The following PARD3B variants were observed in gnomAD, a reference collection of about 807,000 sequenced individuals.
PARD3B encodes the protein partitioning defective 3 homolog B.
A neutral mutation model predicts 130.2 loss-of-function variants in PARD3B; 103 were observed. That is an observed-to-expected ratio of 0.79 (90% CI 0.67 to 0.93). The LOEUF (loss-of-function observed/expected upper bound fraction) is 0.93. Ranked by LOEUF, PARD3B falls within the 40% of genes least tolerant of loss-of-function variation. PARD3B has a pLI of 0.00. For missense variants in PARD3B, 1,609 were observed against 1,499.2 expected, an observed-to-expected ratio of 1.07 and a Z score of -1.21; for synonymous variants, 583 against 553.2, an observed-to-expected ratio of 1.05 and a Z score of -0.76.
Position 204,640,247 on chromosome 2 carries a change from C to A in PARD3B, c.121-45934C>A, listed in dbSNP as rs540788269. On this transcript the variant is annotated intron_variant, in intron 1 of 22. Coordinates refer to ENST00000406610, the MANE Select transcript of PARD3B (RefSeq NM_001302769.2). Reference sequence around the variant, plus strand: ...TTGCAACCTGTGCAACAGAGTGAGACCCTGTCTCAAAAAAACAAAACAGAT... The same window carrying A: ...TTGCAACCTGTGCAACAGAGTGAGAACCTGTCTCAAAAAAACAAAACAGAT... Among the ~76,000 whole-genome samples the A allele has an allele frequency of 3.3e-5, 5 of 152,196 alleles. No individual in the cohort carries two copies. The South Asian group carries it at 6.2e-4, about 19-fold the overall frequency.
chr2:204,875,032 C>T (rs2045782016), intron 2 of PARD3B, among the ~76,000 whole-genome samples: 1 of 152,068 alleles, frequency 6.6e-6, no homozygotes. Context: ...TTTATATCTC[C>T]CTTATCATTC....
chr2:205,536,329 G>A (rs1162656913), intron 21 of PARD3B, among the ~76,000 whole-genome samples: 2 of 152,048 alleles, frequency 1.3e-5, no homozygotes, highest in East Asian at 1.9e-4. Context: ...TCGTGAAATA[G>A]GCTCTATTCC....
At chr2:204,898,190 T>C (rs1294421207) in intron 2 of PARD3B, among the ~76,000 whole-genome samples, 2 of 152,042 alleles carry the variant, frequency 1.3e-5, no homozygotes, top group Non-Finnish European at 2.9e-5. Context: ...TTTTTATTTT[T>C]AATTTTTGTG....
intron 3 of PARD3B, among the ~76,000 whole-genome samples, chr2:205,033,895 T>C (rs1033366597): frequency 2.0e-5 from 3 of 152,290 alleles, no homozygotes; most frequent in East Asian, 3.9e-4. Context: ...ATTGACGAGA[T>C]TGAGTCAGTA....
At chr2:204,583,470 T>G (rs1174892458) in intron 1 of PARD3B, among the ~76,000 whole-genome samples, 1 of 95,738 alleles carries the variant, frequency 1.0e-5, no homozygotes, top group Non-Finnish European at 2.1e-5. Context: ...CTGTGGGGAC[T>G]GTGGTGGGGT....
Position 204,943,071 on chromosome 2 carries a change from CAAGA to C in PARD3B, c.223-22076_223-22073del, listed in dbSNP as rs1272871397. On this transcript the variant is annotated intron_variant, in intron 2 of 22. Coordinates refer to ENST00000406610, the MANE Select transcript of PARD3B (RefSeq NM_001302769.2). The surrounding 1 kb of genome is among the most constrained non-coding windows in gnomAD (Gnocchi z 4.2). ...ACAAGAAAGACTTTGTGTAAAAAGACAAGAAAGACTTTGTGTAAATACACCTCTT... is the reference window on the plus strand; with the variant it reads ...ACAAGAAAGACTTTGTGTAAAAAGACAAGACTTTGTGTAAATACACCTCTT... Among the ~76,000 whole-genome samples, 1 of 151,872 alleles carries C rather than the reference CAAGA, an allele frequency of 6.6e-6. No homozygotes were observed. Among genetic ancestry groups the C allele is most frequent in the Non-Finnish European group, 1.5e-5 (1 of 67,966 alleles).
intron 2 of PARD3B, among the ~76,000 whole-genome samples, chr2:204,706,074 G>A (rs1431372881): frequency 6.6e-6 from 1 of 152,138 alleles, no homozygotes; most frequent in East Asian, 1.9e-4. Context: ...AGTTTTGCAT[G>A]TCTTTGCAAG....
At chr2:204,591,810 A>G (rs1443074770) in intron 1 of PARD3B, among the ~76,000 whole-genome samples, 1 of 152,218 alleles carries the variant, frequency 6.6e-6, no homozygotes, top group Non-Finnish European at 1.5e-5. Flanking sequence ...CATATTTTTT[A>G]GTTGCTCCAT....
rs778836026 is a variant in PARD3B, at chr2:205,401,081, T to C, written c.2699T>C (p.Leu900Pro). 1 of 1,602,588 alleles carries C rather than the reference T, an allele frequency of 6.2e-7. No homozygotes were observed. Among genetic ancestry groups the C allele is most frequent in the South Asian group, 1.1e-5 (1 of 87,948 alleles). Residue 900 changes from leucine (L) to proline (P), a missense_variant, in exon 19 of 23, where the codon CTG becomes CCG. Coordinates refer to ENST00000406610, the MANE Select transcript of PARD3B (RefSeq NM_001302769.2). ...AAAGGTACTCTGAAACATGGTGGCC[T>C]GAGAGAAGAAGAGCTGGAGAAAATG... Reference protein sequence around the residue: ...EQKGTLKHGGLREEELEKMKE... With the variant: ...EQKGTLKHGGPREEELEKMKE...
At chr2:204,766,916 G>A (rs765591297) in intron 2 of PARD3B, among the ~76,000 whole-genome samples, 20 of 148,300 alleles carry the variant, frequency 1.3e-4, no homozygotes, top group Non-Finnish European at 2.2e-4. Context: ...CTGTAGGAAG[G>A]TCTGGACTGG....
intron 3 of PARD3B, among the ~76,000 whole-genome samples, chr2:205,045,794 T>C (rs1013252236): frequency 6.6e-6 from 1 of 151,772 alleles, no homozygotes; most frequent in Non-Finnish European, 1.5e-5. Flanking sequence ...CACATACATA[T>C]ATATACATAT....
At chr2:205,389,506 G>A (rs1199090942) in intron 18 of PARD3B, among the ~76,000 whole-genome samples, 1 of 152,138 alleles carries the variant, frequency 6.6e-6, no homozygotes, top group Non-Finnish European at 1.5e-5. Flanking sequence ...GGGATTACAG[G>A]CACATGCCAC....
At chr2:204,751,867 T>C (rs902950991) in intron 2 of PARD3B, among the ~76,000 whole-genome samples, 3 of 152,182 alleles carry the variant, frequency 2.0e-5, no homozygotes, top group African/African-American at 7.2e-5. Context: ...AATCACTGAC[T>C]TAAAATTTAA....
At chr2:204,703,237 C>T (rs1559072475) in intron 2 of PARD3B, among the ~76,000 whole-genome samples, 1 of 150,916 alleles carries the variant, frequency 6.6e-6, no homozygotes, top group African/African-American at 2.5e-5. Flanking sequence ...AGTTCTTAAC[C>T]ACCATGCTTA....
chr2:205,008,207 G>A (rs1695432934), intron 3 of PARD3B, among the ~76,000 whole-genome samples: 1 of 151,940 alleles, frequency 6.6e-6, no homozygotes, highest in African/African-American at 2.4e-5. Flanking sequence ...TCCAACTTGG[G>A]GCATGTTTTT....
At chr2:205,167,590 A>G (rs1576037090) in intron 11 of PARD3B, among the ~76,000 whole-genome samples, 1 of 152,328 alleles carries the variant, frequency 6.6e-6, no homozygotes, top group East Asian at 1.9e-4. Context: ...GCAATCTCAA[A>G]TATACAGGGT....
intron 2 of PARD3B, among the ~76,000 whole-genome samples, chr2:204,920,126 C>T (rs1423107083): frequency 6.6e-6 from 1 of 152,116 alleles, no homozygotes; most frequent in Admixed American, 6.5e-5. Flanking sequence ...TCTATTGCCC[C>T]CTTCAGTTGA....
intron 18 of PARD3B, among the ~76,000 whole-genome samples, chr2:205,338,947 G>A (rs980771923): frequency 6.6e-6 from 1 of 152,282 alleles, no homozygotes; most frequent in East Asian, 1.9e-4. Context: ...ATTGGTGGGG[G>A]AAGGGGGATA....
chr2:204,644,016 A>G (rs2035185844), intron 1 of PARD3B, among the ~76,000 whole-genome samples: 1 of 152,114 alleles, frequency 6.6e-6, no homozygotes, highest in Non-Finnish European at 1.5e-5. Flanking sequence ...AGCCTCTTGT[A>G]AGAATTCTTT....
Sources: allele counts gnomAD v4.1 joint callset (sites outside exome capture counted in the v4.1 genomes callset), GRCh38; gene constraint gnomAD v4.1.1; non-coding constraint Gnocchi (gnomAD v3.1); transcripts MANE v1.5; gene names NCBI Gene and HGNC (gene_info 2026-07-23, HGNC 2026-07-21).